The following PTPRN2 variants were observed in gnomAD, a reference collection of about 807,000 sequenced individuals.
The protein encoded by PTPRN2 is receptor-type tyrosine-protein phosphatase N2.
Under a neutral mutation model 118.8 loss-of-function variants are expected in PTPRN2, and 74 were observed. That is an observed-to-expected ratio of 0.62 (90% CI 0.52 to 0.76). The LOEUF (loss-of-function observed/expected upper bound fraction) is 0.76, where lower values mean the gene tolerates loss of function less well. Ranked by LOEUF, PTPRN2 falls within the 30% of genes least tolerant of loss-of-function variation. The pLI is 0.00. For missense variants in PTPRN2, 1,481 were observed against 1,394.4 expected (o/e 1.06, Z -0.99); for synonymous variants, 641 against 608.0 (o/e 1.05, Z -0.80).
At chr7:157,837,259 A>G (rs1336515912) in intron 12 of PTPRN2, among the ~76,000 whole-genome samples, 1 of 115,632 alleles carries the variant, frequency 8.6e-6, no homozygotes, top group Non-Finnish European at 1.8e-5. Flanking sequence ...GTGTCCCTCC[A>G]CCCATCCACC....
chr7:158,075,148 G>A (rs1018095222), intron 11 of PTPRN2, among the ~76,000 whole-genome samples: 1 of 152,200 alleles, frequency 6.6e-6, no homozygotes, highest in Non-Finnish European at 1.5e-5. Flanking sequence ...CACAGGTCCT[G>A]GGTGCTGCCA....
At position 158,021,998 on chromosome 7, in the gene PTPRN2, G is replaced by A. The variant is rs562007271; in HGVS notation, c.1723+59300C>T. On this transcript the variant is annotated intron_variant, in intron 11 of 22. Transcript: ENST00000389418. Reference sequence around the variant, plus strand: ...CTGCTGCTACTGCCCTGGCTGAGCCGGGCAGCCTCGCCCATCCACCATGAG... The same window carrying A: ...CTGCTGCTACTGCCCTGGCTGAGCCAGGCAGCCTCGCCCATCCACCATGAG... Among the ~76,000 whole-genome samples the A allele has an allele frequency of 5.3e-5, 8 of 152,218 alleles. No individual in the cohort carries two copies. In the East Asian group the frequency reaches 5.8e-4, roughly 11 times the overall value.
In PTPRN2 at chr7:157,590,771, C is replaced by G. The variant is rs534570754; in HGVS notation, c.2496+4467G>C. Reference sequence around the variant, plus strand: ...CCTGAACCCGTCTTCCAGGCTCCCCCCTTCTGGACCCATGGGCCCCTGTAC... The same window carrying G: ...CCTGAACCCGTCTTCCAGGCTCCCCGCTTCTGGACCCATGGGCCCCTGTAC... On this transcript the variant is annotated intron_variant, in intron 17 of 22. Coordinates refer to ENST00000389418, the MANE Select transcript of PTPRN2 (RefSeq NM_002847.5). The surrounding 1 kb of genome is among the most constrained non-coding windows in gnomAD (Gnocchi z 4.0). 9.2e-5 allele frequency among the ~76,000 whole-genome samples: 14 copies of G among 152,278 alleles called. No homozygotes were observed. Among genetic ancestry groups the G allele is most frequent in the South Asian group, 4.1e-4 (2 of 4,832 alleles).
At chr7:157,721,818 G>T (rs781534483) in intron 12 of PTPRN2, among the ~76,000 whole-genome samples, 1 of 152,202 alleles carries the variant, frequency 6.6e-6, no homozygotes, top group Non-Finnish European at 1.5e-5. Flanking sequence ...TGGGGCTCCC[G>T]CTGGAGGATG....
chr7:158,373,412 G>A (rs550179492), intron 2 of PTPRN2, among the ~76,000 whole-genome samples: 52 of 152,304 alleles, frequency 3.4e-4, no homozygotes, highest in African/African-American at 1.1e-3. Context: ...TCTTAAGCAC[G>A]TTTATCTTCA....
chr7:158,004,252 G>C (rs1343971492), intron 11 of PTPRN2, among the ~76,000 whole-genome samples: 1 of 152,204 alleles, frequency 6.6e-6, no homozygotes, highest in Non-Finnish European at 1.5e-5. Flanking sequence ...CCATCCCAGA[G>C]GATGAGAGAG....
chr7:158,041,982 T>G (rs1808503470), intron 11 of PTPRN2, among the ~76,000 whole-genome samples: 1 of 152,204 alleles, frequency 6.6e-6, no homozygotes, highest in South Asian at 2.1e-4. Flanking sequence ...GAATTCTTTA[T>G]GTAAAAATGT....
At chr7:158,319,545 T>A (rs1241207674) in intron 2 of PTPRN2, among the ~76,000 whole-genome samples, 1 of 52,972 alleles carries the variant, frequency 1.9e-5, no homozygotes, top group Non-Finnish European at 3.9e-5. Context: ...ACAGCCTCCC[T>A]CACACACACA....
At chr7:158,074,428 A>G (rs749842410) in intron 11 of PTPRN2, among the ~76,000 whole-genome samples, 3 of 152,250 alleles carry the variant, frequency 2.0e-5, no homozygotes, top group Non-Finnish European at 4.4e-5. Flanking sequence ...GAAAGCCTGC[A>G]GAGAATCCCA....
rs144485708 is a variant in PTPRN2, at chr7:157,568,933, C to T, written c.2871G>A (p.Leu957=). Residue 957 remains leucine (L), a synonymous_variant, in exon 21 of 23, where the codon CTG becomes CTA. Coordinates refer to ENST00000389418, the MANE Select transcript of PTPRN2 (RefSeq NM_002847.5). ...CCATCTTGTTGAGAACCATGTCGAT[C>T]AGGACGTAGGTGCCGCTCCGGCCTG... The part of the protein sequence containing the change: ...DGAGRSGTYV[L]IDMVLNKMAK... 6 of 1,578,716 alleles carry T rather than the reference C, an allele frequency of 3.8e-6. No individual in the cohort carries two copies. The highest frequency in any genetic ancestry group is 5.2e-6 in the Non-Finnish European group (6 of 1,148,084).
chr7:158,037,076 A>C (rs1808131974), intron 11 of PTPRN2, among the ~76,000 whole-genome samples: 1 of 152,268 alleles, frequency 6.6e-6, no homozygotes, highest in Non-Finnish European at 1.5e-5. Context: ...ATGTGCCTAT[A>C]TGCCAGCAAC....
At chr7:158,340,960 GCC>G (rs1440588570) in intron 2 of PTPRN2, among the ~76,000 whole-genome samples, 1 of 74,832 alleles carries the variant, frequency 1.3e-5, no homozygotes, top group Non-Finnish European at 2.8e-5. Context: ...AAGAGCTGAC[GCC>G]CGCAGATGTC....
chr7:158,500,770 A>T (rs866897284), intron 1 of PTPRN2, among the ~76,000 whole-genome samples: 1 of 152,258 alleles, frequency 6.6e-6, no homozygotes, highest in Non-Finnish European at 1.5e-5. Context: ...ATCCAGCCCA[A>T]CGGTTTTCGC....
At chr7:157,798,373 C>T (rs1805005981) in intron 12 of PTPRN2, among the ~76,000 whole-genome samples, 1 of 152,158 alleles carries the variant, frequency 6.6e-6, no homozygotes, top group African/African-American at 2.4e-5. Context: ...ACAAGGATGC[C>T]TCTGTGACCT....
intron 2 of PTPRN2, 68 bp from the exon 3 acceptor site, chr7:158,317,000 C>G: frequency 8.3e-7 from 1 of 1,198,390 alleles, no homozygotes; most frequent in Non-Finnish European, 1.2e-6. Context: ...AGGTGTCACA[C>G]ACGTCCTTGC....
intron 12 of PTPRN2, among the ~76,000 whole-genome samples, chr7:157,709,597 G>C (rs910270690): frequency 6.6e-6 from 1 of 152,184 alleles, no homozygotes. Flanking sequence ...TGGGGACTTC[G>C]ACCTCGCTCC....
At chr7:158,262,125 G>A (rs920385653) in intron 3 of PTPRN2, among the ~76,000 whole-genome samples, 6 of 152,128 alleles carry the variant, frequency 3.9e-5, no homozygotes, top group Non-Finnish European at 7.4e-5. Context: ...TCACACCCTC[G>A]AGGCCACAGT....
chr7:158,132,637 T>G (rs1818457189), intron 9 of PTPRN2, among the ~76,000 whole-genome samples: 1 of 150,686 alleles, frequency 6.6e-6, no homozygotes, highest in South Asian at 2.1e-4. Flanking sequence ...TATACACAGA[T>G]GCAGATACAC....
At chr7:157,689,838 C>G (rs1349564140) in intron 12 of PTPRN2, among the ~76,000 whole-genome samples, 2 of 152,132 alleles carry the variant, frequency 1.3e-5, no homozygotes, top group Non-Finnish European at 2.9e-5. Flanking sequence ...CAGGCCCCCT[C>G]GGTTCCCTGC....
Sources: gnomAD v4.1 joint callset for allele counts (sites outside exome capture counted in the v4.1 genomes callset) on GRCh38, gnomAD v4.1.1 for gene constraint, Gnocchi (gnomAD v3.1) non-coding constraint, MANE v1.5 for transcripts, NCBI Gene and HGNC (gene_info 2026-07-23, HGNC 2026-07-21) for gene names.